Variants in KLHL42 observed in about 807,000 individuals in gnomAD.
KLHL42 encodes the protein kelch-like protein 42.
Under a neutral mutation model 32.7 loss-of-function variants are expected in KLHL42, and 27 were observed. That is an observed-to-expected ratio of 0.83 (90% CI 0.61 to 1.14). The LOEUF (loss-of-function observed/expected upper bound fraction) is 1.14, where lower values mean the gene tolerates loss of function less well. KLHL42 is among the 50% of genes most tolerant of loss of function. The pLI is 0.00. For missense variants in KLHL42, 491 were observed against 560.8 expected (o/e 0.88, Z 1.26); for synonymous variants, 267 against 248.2 (o/e 1.08, Z -0.71).
intron 1 of KLHL42, among the ~76,000 whole-genome samples, chr12:27,782,068 A>G (rs887401588): frequency 2.6e-5 from 4 of 152,324 alleles, no homozygotes; most frequent in Middle Eastern, 3.4e-3. Flanking sequence ...AAAAGAATCA[A>G]TGTAACTCAA....
chr12:27,789,221 A>G (rs2062186002), intron 1 of KLHL42, among the ~76,000 whole-genome samples: 1 of 152,216 alleles, frequency 6.6e-6, no homozygotes. Context: ...CATGCCAGAT[A>G]TTGTGCCCTT....
chr12:27,784,683 A>G (rs931740703), intron 1 of KLHL42, among the ~76,000 whole-genome samples: 4 of 152,330 alleles, frequency 2.6e-5, no homozygotes, highest in Admixed American at 2.0e-4. Context: ...CAAATTGCCC[A>G]TCAAAAAAAT....
intron 2 of KLHL42, 102 bp downstream of exon 2, chr12:27,792,003 A>T: frequency 1.1e-6 from 1 of 922,188 alleles, no homozygotes; most frequent in Non-Finnish European, 1.7e-6. Flanking sequence ...TCCGAGTGTC[A>T]TGTTATGCTT....
At chr12:27,790,365 A>T (rs1263971738) in intron 1 of KLHL42, among the ~76,000 whole-genome samples, 1 of 152,222 alleles carries the variant, frequency 6.6e-6, no homozygotes, top group African/African-American at 2.4e-5. Flanking sequence ...ATAGCTGGTT[A>T]TCAGCAGAGC....
chr12:27,780,847 C>T lies in KLHL42; in HGVS notation c.517C>T (p.Pro173Ser), dbSNP rs1395028074. Residue 173 changes from proline to serine, a missense_variant, in exon 1 of 3, where the codon CCC (proline) becomes TCC (serine). Around this residue, in one of 4 missense-constraint regions of KLHL42, gnomAD observed 248 missense variants for 329.2 expected, o/e 0.75. Transcript: ENST00000381271. The surrounding 1 kb of genome is among the most constrained non-coding windows in gnomAD (Gnocchi z 8.8). ...CCAGTTCCACCTCCTGGGGTCTCCT[C>T]CCCAAGCTCCAGGGGATGTCAGCCT... Reference protein sequence around the residue: ...KPQFHLLGSPPQAPGDVSLKQ... With the variant: ...KPQFHLLGSPSQAPGDVSLKQ... 3 of 1,613,898 alleles carry T rather than the reference C, an allele frequency of 1.9e-6. No individual in the cohort carries two copies. Among genetic ancestry groups the T allele is most frequent in the African/African-American group, 1.3e-5 (1 of 75,056 alleles).
At chr12:27,784,420 G>A (rs1287233601) in intron 1 of KLHL42, among the ~76,000 whole-genome samples, 2 of 151,504 alleles carry the variant, frequency 1.3e-5, no homozygotes, top group Admixed American at 6.6e-5. Context: ...GGATTAAGTT[G>A]TGAGCCACCG....
Position 27,791,870 on chromosome 12 carries a change from A to C in KLHL42, c.1035A>C (p.Lys345Asn), listed in dbSNP as rs764629399. ...AEFSACECKGKIYVIGGYTTR... is the reference protein window; with the variant it reads ...AEFSACECKGNIYVIGGYTTR... ...TCTCTGCCTGTGAGTGTAAGGGAAA[A>C]ATTTATGTCATTGGAGGATACACTA... The change falls in exon 2 of 3, where the codon AAA (lysine) becomes AAC (asparagine). Residue 345 changes from lysine to asparagine, a missense_variant. Coordinates refer to ENST00000381271, the MANE Select transcript of KLHL42 (RefSeq NM_020782.2). 6 of 1,614,034 alleles carry C rather than the reference A, an allele frequency of 3.7e-6. No individual in the cohort carries two copies. In the Admixed American group the frequency reaches 1.0e-4, roughly 27 times the overall value.
At chr12:27,786,723 T>C (rs1168032203) in intron 1 of KLHL42, among the ~76,000 whole-genome samples, 3 of 144,002 alleles carry the variant, frequency 2.1e-5, no homozygotes, top group Non-Finnish European at 4.5e-5. Flanking sequence ...GAAAGAGTTT[T>C]TTTTTTTTTT....
In KLHL42 at chr12:27,799,757, C is replaced by CT. The variant is rs1382033103; in HGVS notation, c.*1596dup. 6.3e-6 allele frequency: 1 copy of CT among 158,530 alleles called. No individual in the cohort carries two copies. Among genetic ancestry groups the CT allele is most frequent in the African/African-American group, 2.4e-5 (1 of 41,504 alleles). The allele number at this position is 158,530 out of a possible 1,614,324, so 9.8% of individuals were successfully genotyped here. ...AGTTATAAAAAGCCTATTTGCACAA[C>CT]TTTTTGGGAATACTTCTATTAACTA... On this transcript the variant is annotated 3_prime_UTR_variant, in exon 3 of 3. Transcript: ENST00000381271.
Position 27,791,809 on chromosome 12 carries a change from A to C in KLHL42, c.974A>C (p.Asn325Thr), listed in dbSNP as rs2062198375. ...TACAACCCCGAGCAGGATGCGTGGA[A>C]TTTTGTGGCGCCCTTACCCAATCCT... is the stretch of plus-strand genomic sequence containing the variant. ...ECYNPEQDAW[N>T]FVAPLPNPLA... Residue 325 changes from asparagine (N) to threonine (T), a missense_variant, in exon 2 of 3, where the codon AAT becomes ACT. Asn to Thr is a moderately conservative substitution (Grantham distance 65, BLOSUM62 0). Transcript: ENST00000381271. 1.2e-6 allele frequency: 2 copies of C among 1,614,024 alleles called. No individual in the cohort carries two copies.
chr12:27,792,107 A>G (rs1320789777), intron 2 of KLHL42: 6 of 404,650 alleles, frequency 1.5e-5, no homozygotes, highest in Non-Finnish European at 2.6e-5. Context: ...TTGTGTGAGC[A>G]TGAAAATCGA....
In KLHL42 at chr12:27,780,687, G is replaced by A. The variant is rs1485104427; in HGVS notation, c.357G>A (p.Gln119=). 5.4e-5 allele frequency: 86 copies of A among 1,605,890 alleles called. No homozygotes were observed. Among genetic ancestry groups the A allele is most frequent in the Non-Finnish European group, 7.1e-5 (83 of 1,175,104 alleles). ...ASFLQVTSLL[Q]LLLSQVRLNN... ...TCCTGCAGGTCACGTCCCTGCTGCA[G>A]CTGCTGCTGTCCCAGGTGCGGCTCA... is the stretch of plus-strand genomic sequence containing the variant. Residue 119 remains glutamine (Q), a synonymous_variant, in exon 1 of 3, where the codon CAG becomes CAA. Coordinates refer to ENST00000381271, the MANE Select transcript of KLHL42 (RefSeq NM_020782.2). This position sits in a 1 kb window ranked among gnomAD's most constrained non-coding sequence, Gnocchi z 8.8.
rs1565480599 is a variant in KLHL42 at position 27,780,820 on chromosome 12, C to T, written c.490C>T (p.Pro164Ser). 2 of 1,613,844 alleles carry T rather than the reference C, an allele frequency of 1.2e-6. No homozygotes were observed. The highest frequency in any genetic ancestry group is 1.7e-5 in the Admixed American group (1 of 60,036). Residue 164 changes from proline to serine, a missense_variant, in exon 1 of 3, where the codon CCC becomes TCC. Pro to Ser is a moderately conservative substitution (Grantham distance 74). Coordinates refer to ENST00000381271, the MANE Select transcript of KLHL42 (RefSeq NM_020782.2). This position sits in a 1 kb window ranked among gnomAD's most constrained non-coding sequence, Gnocchi z 8.8. ...CCACTTCCACGAGGTGCTGTGCAAG[C>T]CCCAGTTCCACCTCCTGGGGTCTCC... ...VVHFHEVLCK[P>S]QFHLLGSPPQ...
At chr12:27,792,150 T>TAGG (rs923840546) in intron 2 of KLHL42, 6 of 284,448 alleles carry the variant, frequency 2.1e-5, no homozygotes, top group African/African-American at 1.3e-4. Context: ...AAAAAAATGT[T>TAGG]ATCTCTTTTT....
rs1484934110 is a variant in KLHL42 at position 27,780,379 on chromosome 12, C to T, written c.49C>T (p.Pro17Ser). ...GATCCGCCTGGAGGACCGCTGCTAC[C>T]CGGTGAGCAAGAGGAAGCTCATCGA... ...VQIRLEDRCY[P>S]VSKRKLIEQS... is the part of the protein sequence containing the mutation. Residue 17 changes from proline (P) to serine (S), a missense_variant, in exon 1 of 3, where the codon CCG becomes TCG. By Grantham distance (74) the Pro-to-Ser change is moderately conservative. Coordinates refer to ENST00000381271, the MANE Select transcript of KLHL42 (RefSeq NM_020782.2). This position sits in a 1 kb window ranked among gnomAD's most constrained non-coding sequence, Gnocchi z 8.8. The T allele has an allele frequency of 1.3e-6, 2 of 1,581,340 alleles. No individual in the cohort carries two copies. Among genetic ancestry groups the T allele is most frequent in the East Asian group, 2.4e-5 (1 of 42,404 alleles).
intron 1 of KLHL42, 123 bp downstream of exon 1, chr12:27,781,325 A>G: frequency 8.3e-7 from 1 of 1,207,944 alleles, no homozygotes; most frequent in Non-Finnish European, 1.1e-6. Flanking sequence ...TGACATCTTC[A>G]GGAATGTTGT....
chr12:27,781,524 C>A (rs192095722), intron 1 of KLHL42, among the ~76,000 whole-genome samples: 1 of 152,198 alleles, frequency 6.6e-6, no homozygotes, highest in African/African-American at 2.4e-5. Flanking sequence ...GAAAATTGCC[C>A]CTTAATTTTT....
intron 2 of KLHL42, among the ~76,000 whole-genome samples, chr12:27,794,467 A>T (rs1212245696): frequency 1.3e-5 from 2 of 152,182 alleles, no homozygotes; most frequent in Non-Finnish European, 2.9e-5. Context: ...TTTTTAACTT[A>T]ATTACATCTG....
intron 1 of KLHL42, among the ~76,000 whole-genome samples, chr12:27,781,560 T>A (rs963640585): frequency 8.5e-5 from 13 of 152,228 alleles, no homozygotes; most frequent in African/African-American, 2.7e-4. Flanking sequence ...GTTTTTAGGA[T>A]TTGATCCTGA....
Sources: allele counts gnomAD v4.1 joint callset (sites outside exome capture counted in the v4.1 genomes callset), GRCh38; gene constraint gnomAD v4.1.1; regional missense constraint gnomAD v4.1.1; non-coding constraint Gnocchi (gnomAD v3.1); transcripts MANE v1.5; gene names NCBI Gene and HGNC (gene_info 2026-07-23, HGNC 2026-07-21).